Variants in LIN9 observed in about 807,000 individuals in gnomAD.
The protein encoded by LIN9 is protein lin-9 homolog.
LIN9 carries 18 observed loss-of-function variants against 78.0 expected under a neutral mutation model. The ratio of observed to expected loss-of-function variants is 0.23; its 90% CI spans 0.16 to 0.34. LIN9 has a LOEUF of 0.34. LIN9 is among the 10% of genes least tolerant of loss of function. The probability of loss-of-function intolerance (pLI) is 1.00; values close to 1 mark genes in which losing one functional copy is unlikely to be tolerated. For missense variants in LIN9, 451 were observed against 644.1 expected, an observed-to-expected ratio of 0.70 and a Z score of 3.25; for synonymous variants, 192 against 215.2, an observed-to-expected ratio of 0.89 and a Z score of 0.94.
chr1:226,268,194 CTAT>C, intron 7 of LIN9, 104 bp from the exon 8 acceptor site: 1 of 1,058,336 alleles, frequency 9.4e-7, no homozygotes, highest in Non-Finnish European at 1.3e-6. Context: ...AGTATTTTGT[CTAT>C]TAGAGTTTCA....
Position 226,234,573 on chromosome 1 carries a change from G to A in LIN9, c.1246-1050C>T, listed in dbSNP as rs1657563384. Among the ~76,000 whole-genome samples, 3 of 152,232 alleles carry A rather than the reference G, an allele frequency of 2.0e-5. No individual in the cohort carries two copies. The South Asian group carries it at 6.2e-4, about 32-fold the overall frequency. ...TTTTACTTCCTTGGCATAATAAGGT[G>A]GGCCGGGCTCATCTTCTTTCTCTGC... On this transcript the variant is annotated intron_variant, in intron 12 of 14. Coordinates refer to ENST00000681046, the MANE Select transcript of LIN9 (RefSeq NM_001366245.2).
intron 11 of LIN9, among the ~76,000 whole-genome samples, chr1:226,248,981 C>T (rs1282023442): frequency 6.6e-6 from 1 of 152,178 alleles, no homozygotes; most frequent in African/African-American, 2.4e-5. Flanking sequence ...ATTCGTTTTA[C>T]ACTGAAGCCT....
intron 8 of LIN9, 22 bp from the exon 9 acceptor site, chr1:226,266,354 C>A: frequency 6.4e-7 from 1 of 1,570,360 alleles, no homozygotes; most frequent in Non-Finnish European, 8.6e-7. Context: ...GAATAATTCA[C>A]AAAACTTAAA....
intron 2 of LIN9, 69 bp downstream of exon 2, chr1:226,301,099 AAACAC>A: frequency 9.4e-7 from 1 of 1,067,170 alleles, no homozygotes; most frequent in East Asian, 2.4e-5. Context: ...AGGAAAATGG[AAACAC>A]TATATCCAGA....
intron 10 of LIN9, among the ~76,000 whole-genome samples, chr1:226,252,892 G>A (rs113359507): frequency 6.6e-6 from 1 of 151,880 alleles, no homozygotes; most frequent in East Asian, 1.9e-4. Flanking sequence ...GCTTGAACCC[G>A]GGAGGCAGAG....
chr1:226,277,942 A>T lies in LIN9; in HGVS notation c.525-10T>A. 6.3e-7 allele frequency: 1 copy of T among 1,599,518 alleles called. No homozygotes were observed. Among genetic ancestry groups the T allele is most frequent in the Non-Finnish European group, 8.5e-7 (1 of 1,173,366 alleles). ...AAATGCAGAAGAACATCTAGAATAAATTATAAAAAACATACAAACTGATAA... is the reference window on the plus strand; with the variant it reads ...AAATGCAGAAGAACATCTAGAATAATTTATAAAAAACATACAAACTGATAA... On this transcript the variant is annotated splice_polypyrimidine_tract_variant and intron_variant, in intron 6 of 14. Coordinates refer to ENST00000681046, the MANE Select transcript of LIN9 (RefSeq NM_001366245.2).
intron 10 of LIN9, among the ~76,000 whole-genome samples, chr1:226,259,589 A>C (rs1253276277): frequency 2.0e-5 from 3 of 152,216 alleles, no homozygotes; most frequent in African/African-American, 7.2e-5. Flanking sequence ...GAAATCATAC[A>C]ATGTATGCTC....
rs999496335 is a variant in LIN9, at chr1:226,265,748, G to A, written c.937-114C>T. 35 of 559,036 alleles carry A rather than the reference G, an allele frequency of 6.3e-5. No homozygotes were observed. The highest frequency in any genetic ancestry group is 3.5e-4 in the East Asian group (10 of 28,296). 34.6% of individuals were successfully genotyped at this position (559,036 alleles called of 1,614,324 possible). On this transcript the variant is annotated intron_variant, in intron 9 of 14. Coordinates refer to ENST00000681046, the MANE Select transcript of LIN9 (RefSeq NM_001366245.2). The surrounding 1 kb of genome is among the most constrained non-coding windows in gnomAD (Gnocchi z 4.1). ...TCGCTCTGTTGCCACTTGTGATCTC[G>A]GCTCACTGCAATCTCTGACTCCTGG...
intron 6 of LIN9, among the ~76,000 whole-genome samples, chr1:226,284,890 C>T (rs10127753): frequency 0.7 from 107,167 of 152,084 alleles, 37,864 homozygotes; most frequent in East Asian, 0.74. Flanking sequence ...AGTTTATCTT[C>T]CTTTGTTTCT....
intron 4 of LIN9, among the ~76,000 whole-genome samples, chr1:226,290,552 G>C (rs1661704323): frequency 6.6e-6 from 1 of 151,964 alleles, no homozygotes; most frequent in South Asian, 2.1e-4. Flanking sequence ...GTGTTAGCCA[G>C]GGTGGTCTTG....
intron 4 of LIN9, among the ~76,000 whole-genome samples, chr1:226,295,306 G>C (rs1351775669): frequency 6.6e-6 from 1 of 151,802 alleles, no homozygotes; most frequent in Non-Finnish European, 1.5e-5. Flanking sequence ...AAAATCAGCT[G>C]GGCGTGGTGG....
chr1:226,283,205 C>A (rs1424347493), intron 6 of LIN9, among the ~76,000 whole-genome samples: 6 of 151,534 alleles, frequency 4.0e-5, no homozygotes, highest in Non-Finnish European at 7.4e-5. Flanking sequence ...TGGCTCACTG[C>A]AGCCTCAACA....
At chr1:226,250,765 A>G in intron 11 of LIN9, 74 bp downstream of exon 11, 1 of 744,962 alleles carries the variant, frequency 1.3e-6, no homozygotes, top group Non-Finnish European at 2.2e-6. Flanking sequence ...ATATTTTTAA[A>G]TCATTAGATA....
chr1:226,269,301 G>A lies in LIN9; in HGVS notation c.683-1211C>T, dbSNP rs140683018. Reference sequence around the variant, plus strand: ...TAAGGGAAAAGTAAACATGGATACAGAAGATGTAAATAATGAAGCTGAGTA... The same window carrying A: ...TAAGGGAAAAGTAAACATGGATACAAAAGATGTAAATAATGAAGCTGAGTA... On this transcript the variant is annotated intron_variant, in intron 7 of 14. Coordinates refer to ENST00000681046, the MANE Select transcript of LIN9 (RefSeq NM_001366245.2). Among the ~76,000 whole-genome samples the A allele has an allele frequency of 1.5e-3, 222 of 152,266 alleles. 1 individual carries two copies. Among genetic ancestry groups the A allele is most frequent in the African/African-American group, 5.2e-3 (215 of 41,556 alleles).
At chr1:226,272,572 G>C (rs1660362548) in intron 7 of LIN9, among the ~76,000 whole-genome samples, 2 of 142,206 alleles carry the variant, frequency 1.4e-5, no homozygotes, top group South Asian at 4.4e-4. Context: ...TGTTTGTAGA[G>C]ACAGGGTCTC....
At chr1:226,235,404 G>T (rs1423345674) in intron 12 of LIN9, among the ~76,000 whole-genome samples, 1 of 149,128 alleles carries the variant, frequency 6.7e-6, no homozygotes, top group East Asian at 2.0e-4. Context: ...AGAGTTCAAT[G>T]TTTATTTAAA....
chr1:226,246,515 G>A (rs1658484242), intron 11 of LIN9, among the ~76,000 whole-genome samples: 1 of 151,982 alleles, frequency 6.6e-6, no homozygotes, highest in Non-Finnish European at 1.5e-5. Flanking sequence ...GGGCGCGGTG[G>A]CTCACGCCTG....
chr1:226,286,843 C>T (rs1293433459), intron 5 of LIN9, among the ~76,000 whole-genome samples: 1 of 152,168 alleles, frequency 6.6e-6, no homozygotes, highest in Non-Finnish European at 1.5e-5. Flanking sequence ...TCTTGGGACA[C>T]TGGAGGACTC....
chr1:226,245,800 G>A (rs533411366), intron 11 of LIN9, among the ~76,000 whole-genome samples: 61 of 152,226 alleles, frequency 4.0e-4, no homozygotes, highest in Non-Finnish European at 7.6e-4. Flanking sequence ...GTTTGGCTAT[G>A]TTGGCCAGGC....
Sources: gnomAD v4.1 joint callset for allele counts (sites outside exome capture counted in the v4.1 genomes callset) on GRCh38, gnomAD v4.1.1 for gene constraint, Gnocchi (gnomAD v3.1) non-coding constraint, MANE v1.5 for transcripts, NCBI Gene and HGNC (gene_info 2026-07-23, HGNC 2026-07-21) for gene names.